Variants in ACOT7 observed in about 807,000 individuals in gnomAD.
The protein encoded by ACOT7 is cytosolic acyl coenzyme A thioester hydrolase.
In ACOT7, 12 loss-of-function variants were observed where a neutral mutation model predicts 40.2. The observed-to-expected ratio is 0.30, with a 90% CI of 0.19 to 0.48. The LOEUF is 0.48. Among genes scored for constraint, ACOT7 ranks in the 20% least tolerant of loss-of-function variants. The pLI is 0.99. For synonymous variants in ACOT7, 228 were observed against 219.5 expected (o/e 1.04, Z -0.34); for missense variants, 395 against 530.8 (o/e 0.74, Z 2.51).
At chr1:6,327,476 G>A (rs374918977) in intron 4 of ACOT7, 63 bp from the exon 5 acceptor site, 78 of 1,506,780 alleles carry the variant, frequency 5.2e-5, no homozygotes, top group Non-Finnish European at 6.6e-5. Flanking sequence ...TCGCTGGGCG[G>A]CCATGATCCC....
intron 6 of ACOT7, among the ~76,000 whole-genome samples, chr1:6,304,996 C>T (rs1402112507): frequency 2.0e-5 from 3 of 150,078 alleles, no homozygotes; most frequent in East Asian, 4.0e-4. Flanking sequence ...CCTCACCTCC[C>T]GGACGGGGCG....
At position 6,278,505 on chromosome 1, in the gene ACOT7, G is replaced by A. The variant is rs953175064; in HGVS notation, c.1014+2597C>T. 4.6e-5 allele frequency among the ~76,000 whole-genome samples: 7 copies of A among 152,174 alleles called. No individual in the cohort carries two copies. The highest frequency in any genetic ancestry group is 1.4e-4 in the African/African-American group (6 of 41,442). On this transcript the variant is annotated intron_variant, in intron 8 of 8. Transcript: ENST00000361521. This position sits in a 1 kb window ranked among gnomAD's most constrained non-coding sequence, Gnocchi z 4.1. ...GGGGGAGTAGGGAGGAGCCAGCTGG[G>A]TTCCCAGACTTCCAGAGCAGCACAG... is the stretch of plus-strand genomic sequence containing the variant.
intron 4 of ACOT7, among the ~76,000 whole-genome samples, chr1:6,331,934 C>T (rs1640963832): frequency 6.6e-6 from 1 of 152,172 alleles, no homozygotes; most frequent in Admixed American, 6.5e-5. Flanking sequence ...TCCCCAGTCT[C>T]ACATGGGCAG....
intron 1 of ACOT7, among the ~76,000 whole-genome samples, chr1:6,383,464 G>A (rs1035689842): frequency 6.6e-6 from 1 of 151,600 alleles, no homozygotes. Flanking sequence ...TGGGATTACA[G>A]GCGTGAGTCA....
chr1:6,323,738 A>ATATATT (rs1640721777), intron 5 of ACOT7, among the ~76,000 whole-genome samples: 1 of 33,558 alleles, frequency 3.0e-5, no homozygotes, highest in African/African-American at 9.9e-5. Context: ...AAAAAAAAAA[A>ATATATT]TATATATATA....
intron 4 of ACOT7, 90 bp from the exon 5 acceptor site, chr1:6,327,503 G>T: frequency 1.9e-6 from 2 of 1,069,104 alleles, no homozygotes; most frequent in Non-Finnish European, 2.8e-6. Context: ...TTATAGCCTT[G>T]TGTAACTGGG....
chr1:6,370,259 G>A (rs1331613310), intron 1 of ACOT7, among the ~76,000 whole-genome samples: 1 of 152,052 alleles, frequency 6.6e-6, no homozygotes, highest in Non-Finnish European at 1.5e-5. Context: ...AGAAGATGCT[G>A]GTGCCATGCT....
intron 1 of ACOT7, among the ~76,000 whole-genome samples, chr1:6,388,759 C>G (rs1308078013): frequency 7.0e-6 from 1 of 143,102 alleles, no homozygotes; most frequent in African/African-American, 2.6e-5. Context: ...AAAAAAAAGG[C>G]CGGGTGCGGT....
chr1:6,279,683 G>A (rs1399266490), intron 8 of ACOT7, among the ~76,000 whole-genome samples: 2 of 152,198 alleles, frequency 1.3e-5, no homozygotes, highest in Non-Finnish European at 2.9e-5. Flanking sequence ...CCCGACCTGG[G>A]AGAGGCCGGC....
intron 4 of ACOT7, among the ~76,000 whole-genome samples, chr1:6,331,786 C>T (rs1460356004): frequency 3.3e-5 from 5 of 152,218 alleles, no homozygotes; most frequent in Non-Finnish European, 5.9e-5. Flanking sequence ...CAGCTGGACC[C>T]GGCAGCCAGC....
At chr1:6,385,899 C>A (rs1268113104) in intron 1 of ACOT7, 24 of 1,246,016 alleles carry the variant, frequency 1.9e-5, no homozygotes, top group Non-Finnish European at 2.6e-5. Context: ...ACCAGTGATG[C>A]AAGGAATCCA....
chr1:6,382,932 G>A (rs1488213764), intron 1 of ACOT7, among the ~76,000 whole-genome samples: 2 of 151,390 alleles, frequency 1.3e-5, no homozygotes, highest in African/African-American at 2.4e-5. Flanking sequence ...AGGTTGGAGT[G>A]CAATGTCACG....
At chr1:6,323,690 C>A (rs1407969363) in intron 5 of ACOT7, among the ~76,000 whole-genome samples, 1 of 133,018 alleles carries the variant, frequency 7.5e-6, no homozygotes, top group Non-Finnish European at 1.5e-5. Context: ...TGCACTCCAG[C>A]CTGGTCAACA....
intron 2 of ACOT7, among the ~76,000 whole-genome samples, chr1:6,339,971 G>A (rs959545425): frequency 1.7e-5 from 2 of 119,170 alleles, no homozygotes; most frequent in East Asian, 4.9e-4. Context: ...GTTTTGTTTT[G>A]TTTTTTGTTT....
intron 4 of ACOT7, among the ~76,000 whole-genome samples, chr1:6,332,689 C>T (rs567203386): frequency 1.4e-4 from 22 of 151,938 alleles, no homozygotes; most frequent in African/African-American, 4.8e-4. Flanking sequence ...GGTGTGGTGG[C>T]GGGCGCCTGT....
chr1:6,318,468 G>A (rs1640555557), intron 6 of ACOT7, 24 bp downstream of exon 6: 2 of 1,609,800 alleles, frequency 1.2e-6, no homozygotes, highest in South Asian at 2.2e-5. Context: ...CAGGAATGGA[G>A]TGGCCAGGGC....
At position 6,274,106 on chromosome 1, in the gene ACOT7, G is replaced by A. The variant is rs1237861251; in HGVS notation, c.1014+6996C>T. Among the ~76,000 whole-genome samples, 4 of 152,216 alleles carry A rather than the reference G, an allele frequency of 2.6e-5. No homozygotes were observed. Reference sequence around the variant, plus strand: ...AGGCCCCTCTGCACACCGTGCCTGGGGGTCAGGCAGGTCCTGGGGGTGGGG... The same window carrying A: ...AGGCCCCTCTGCACACCGTGCCTGGAGGTCAGGCAGGTCCTGGGGGTGGGG... On this transcript the variant is annotated intron_variant, in intron 8 of 8. Transcript: ENST00000361521. The surrounding 1 kb of genome is among the most constrained non-coding windows in gnomAD (Gnocchi z 5.9).
In ACOT7 at chr1:6,264,613, G is replaced by C. The variant is rs139667005; in HGVS notation, c.1097C>G (p.Ala366Gly). 1.2e-6 allele frequency: 2 copies of C among 1,612,674 alleles called. No homozygotes were observed. The highest frequency in any genetic ancestry group is 8.5e-7 in the Non-Finnish European group (1 of 1,179,802). Residue 366 changes from alanine (A) to glycine (G), a missense_variant, in exon 9 of 9, where the codon GCG becomes GGG. Coordinates refer to ENST00000361521, the MANE Select transcript of ACOT7 (RefSeq NM_007274.4). ...GGAGGGAGTCTAGGGCTGAGGCTCC[G>C]CGTGGCCCTGTCGCTTCGCCTTCAT... ...LQMKAKRQGHAEPQP is the reference protein window; with the variant it reads ...LQMKAKRQGHGEPQP
chr1:6,358,599 C>G lies in ACOT7; in HGVS notation c.144-8733G>C, dbSNP rs1641813956. ...GTCCGTCAGGGGACCCCAGCTCACG[C>G]AGGCCTGCACTTCCTATCCCAGCTT... On this transcript the variant is annotated intron_variant, in intron 1 of 8. Coordinates refer to ENST00000361521, the MANE Select transcript of ACOT7 (RefSeq NM_007274.4). The surrounding 1 kb of genome is among the most constrained non-coding windows in gnomAD (Gnocchi z 4.1). 6.6e-6 allele frequency among the ~76,000 whole-genome samples: 1 copy of G among 152,230 alleles called. No homozygotes were observed. The highest frequency in any genetic ancestry group is 1.5e-5 in the Non-Finnish European group (1 of 68,034).
Sources: gnomAD v4.1 joint callset for allele counts (sites outside exome capture counted in the v4.1 genomes callset) on GRCh38, gnomAD v4.1.1 for gene constraint, Gnocchi (gnomAD v3.1) non-coding constraint, MANE v1.5 for transcripts, NCBI Gene and HGNC (gene_info 2026-07-23, HGNC 2026-07-21) for gene names.